ATAD2: variants seen among roughly 807,000 people sequenced by gnomAD.
ATAD2 encodes the protein ATPase family AAA domain containing 2, also known as ATPase family AAA domain-containing protein 2.
A neutral mutation model predicts 168.9 loss-of-function variants in ATAD2; 62 were observed. The observed-to-expected ratio is 0.37, with a 90% CI of 0.30 to 0.45. ATAD2 has a LOEUF of 0.45. Among genes scored for constraint, ATAD2 ranks in the 20% least tolerant of loss-of-function variants. ATAD2 has a pLI of 1.00. For synonymous variants in ATAD2, 613 were observed against 571.6 expected (o/e 1.07, Z -1.03); for missense variants, 1,419 against 1,667.8 (o/e 0.85, Z 2.60).
intron 24 of ATAD2, among the ~76,000 whole-genome samples, chr8:123,330,641 C>A (rs897165574): frequency 1.3e-5 from 2 of 152,156 alleles, no homozygotes; most frequent in African/African-American, 2.4e-5. Flanking sequence ...GGATTACAGG[C>A]GTGAGCCACC....
At chr8:123,321,205 A>C in intron 27 of ATAD2, 30 bp from the exon 28 acceptor site, 1 of 1,571,260 alleles carries the variant, frequency 6.4e-7, no homozygotes, top group Non-Finnish European at 8.7e-7. Context: ...AGCAAATAGT[A>C]AGTTTCAATA....
rs1336881100 is a variant in ATAD2, at chr8:123,381,220, G to A, written c.172-543C>T. On this transcript the variant is annotated intron_variant, in intron 1 of 27. Transcript: ENST00000287394. Reference sequence around the variant, plus strand: ...TGAATTAAAAAACTGTTTAGGGCCCGGGCATGGTGGCTTATGCCTGCAATC... The same window carrying A: ...TGAATTAAAAAACTGTTTAGGGCCCAGGCATGGTGGCTTATGCCTGCAATC... Among the ~76,000 whole-genome samples, 4 of 152,266 alleles carry A rather than the reference G, an allele frequency of 2.6e-5. No homozygotes were observed. The South Asian group carries it at 6.2e-4, about 24-fold the overall frequency.
chr8:123,403,132 C>T (rs1331354959), intron 1 of ATAD2, among the ~76,000 whole-genome samples: 2 of 152,192 alleles, frequency 1.3e-5, no homozygotes, highest in African/African-American at 4.8e-5. Context: ...CTCTGTCACC[C>T]AGGCTGGAGT....
chr8:123,329,614 T>A (rs2131284029), intron 24 of ATAD2, among the ~76,000 whole-genome samples: 1 of 151,696 alleles, frequency 6.6e-6, no homozygotes, highest in Admixed American at 6.6e-5. Context: ...TACAAAAAAA[T>A]TTGCCGGGCA....
chr8:123,379,807 A>T (rs1424658953), intron 2 of ATAD2, among the ~76,000 whole-genome samples: 1 of 151,296 alleles, frequency 6.6e-6, no homozygotes, highest in African/African-American at 2.4e-5. Context: ...TGACCTCGTG[A>T]TCTGCCTGCC....
At chr8:123,342,033 C>A (rs1315241665) in intron 19 of ATAD2, among the ~76,000 whole-genome samples, 1 of 152,140 alleles carries the variant, frequency 6.6e-6, no homozygotes, top group Non-Finnish European at 1.5e-5. Context: ...CTGCAGTGAG[C>A]CAAGATCGCA....
At chr8:123,389,750 TG>T (rs928168686) in intron 1 of ATAD2, among the ~76,000 whole-genome samples, 1 of 151,240 alleles carries the variant, frequency 6.6e-6, no homozygotes, top group Non-Finnish European at 1.5e-5. Flanking sequence ...GCTGTATTAT[TG>T]GACATTTTTC....
At chr8:123,414,496 T>C (rs1164771455) in intron 1 of ATAD2, among the ~76,000 whole-genome samples, 2 of 152,134 alleles carry the variant, frequency 1.3e-5, no homozygotes, top group African/African-American at 2.4e-5. Context: ...CGGTGGTGCG[T>C]GCCTGCAGTC....
intron 13 of ATAD2, among the ~76,000 whole-genome samples, chr8:123,354,864 A>AAAAAAAAAAAT (rs1554644338): frequency 1.5e-5 from 1 of 64,708 alleles, no homozygotes; most frequent in African/African-American, 8.7e-5. Flanking sequence ...AAAAAAAAAA[A>AAAAAAAAAAAT]ATATATATAT....
intron 8 of ATAD2, among the ~76,000 whole-genome samples, chr8:123,365,398 G>T (rs1828945110): frequency 6.6e-6 from 1 of 151,920 alleles, no homozygotes; most frequent in Non-Finnish European, 1.5e-5. Flanking sequence ...CAAAATACCA[G>T]CTATCATTCT....
intron 1 of ATAD2, among the ~76,000 whole-genome samples, chr8:123,382,807 A>G (rs1161863450): frequency 6.6e-6 from 1 of 152,196 alleles, no homozygotes; most frequent in Admixed American, 6.5e-5. Context: ...AGGATCTAGA[A>G]CCAGAAATAC....
intron 1 of ATAD2, among the ~76,000 whole-genome samples, chr8:123,383,888 T>C (rs1458891658): frequency 1.3e-5 from 2 of 151,670 alleles, no homozygotes; most frequent in African/African-American, 2.4e-5. Flanking sequence ...TAGAGACCAT[T>C]GTGGCTAACA....
intron 17 of ATAD2, 47 bp from the exon 18 acceptor site, chr8:123,346,319 A>C: frequency 1.4e-6 from 2 of 1,474,980 alleles, no homozygotes; most frequent in Non-Finnish European, 1.8e-6. Flanking sequence ...AAAACAGTTT[A>C]AATTTTCCCC....
intron 1 of ATAD2, among the ~76,000 whole-genome samples, chr8:123,405,779 T>C (rs1484419094): frequency 6.6e-6 from 1 of 152,246 alleles, no homozygotes; most frequent in African/African-American, 2.4e-5. Flanking sequence ...GGACACACCG[T>C]ATTTTATTTA....
Position 123,349,298 on chromosome 8 carries a change from A to G in ATAD2, c.1793T>C (p.Leu598Pro). 6.2e-7 allele frequency: 1 copy of G among 1,612,564 alleles called. No individual in the cohort carries two copies. The change falls in exon 14 of 28, where the codon CTG (leucine) becomes CCG (proline). Residue 598 changes from leucine (L) to proline (P), a missense_variant. By Grantham distance (98) the Leu-to-Pro change is moderately conservative. Transcript: ENST00000287394. ...GRFDREFLFS[L>P]PDKEARKEIL... ...TTAAATTCTTACCTCTTTATCAGGC[A>G]GGCTAAAGAGGAATTCTCTATCAAA...
chr8:123,390,214 G>A (rs1051198462), intron 1 of ATAD2, among the ~76,000 whole-genome samples: 4 of 151,568 alleles, frequency 2.6e-5, no homozygotes, highest in African/African-American at 7.3e-5. Context: ...TCTGATCTCC[G>A]GTGATATGCC....
At chr8:123,334,428 T>G (rs1037260530) in intron 22 of ATAD2, 106 bp from the exon 23 acceptor site, 5 of 1,102,428 alleles carry the variant, frequency 4.5e-6, no homozygotes, top group Non-Finnish European at 6.1e-6. Context: ...CAATTCCTTT[T>G]GACTTTTACC....
At chr8:123,394,079 G>GT (rs143982241) in intron 1 of ATAD2, among the ~76,000 whole-genome samples, 3 of 150,172 alleles carry the variant, frequency 2.0e-5, no homozygotes, top group Non-Finnish European at 3.0e-5. Context: ...ACAACCTAAG[G>GT]TTTTTTTTCC....
At chr8:123,376,140 T>C (rs948356132) in intron 2 of ATAD2, among the ~76,000 whole-genome samples, 12 of 149,548 alleles carry the variant, frequency 8.0e-5, no homozygotes, top group Non-Finnish European at 1.8e-4. Context: ...GTGCAGTAGC[T>C]CATGCCTGTA....
Sources: gnomAD v4.1 joint callset for allele counts (sites outside exome capture counted in the v4.1 genomes callset) on GRCh38, gnomAD v4.1.1 for gene constraint, MANE v1.5 for transcripts, NCBI Gene and HGNC (gene_info 2026-07-23, HGNC 2026-07-21) for gene names.